Variants in NAV1 observed in about 807,000 individuals in gnomAD.
The protein encoded by NAV1 is pore membrane and/or filament interacting like protein 3.
NAV1 carries 18 observed loss-of-function variants against 175.2 expected under a neutral mutation model. That is an observed-to-expected ratio of 0.10 (90% confidence interval 0.07 to 0.15). The LOEUF (loss-of-function observed/expected upper bound fraction) is 0.15, where lower values mean the gene tolerates loss of function less well. NAV1 is among the 10% of genes least tolerant of loss of function. NAV1 has a pLI of 1.00. For missense variants in NAV1, 1,731 were observed against 2,436.6 expected (o/e 0.71, Z 6.10); for synonymous variants, 897 against 978.7 (o/e 0.92, Z 1.56).
exon 5 of NAV1, chr1:201,781,175 A>G (rs1676301311): frequency 6.2e-7 from 1 of 1,614,042 alleles, no homozygotes; most frequent in African/African-American, 1.3e-5. Flanking sequence ...AGCTGTGATG[A>G]TTCATCCAAG....
chr1:201,721,897 C>T (rs927034299), intron 3 of NAV1, among the ~76,000 whole-genome samples: 1 of 152,114 alleles, frequency 6.6e-6, no homozygotes, highest in Non-Finnish European at 1.5e-5. Context: ...TTCCCAAGCC[C>T]CTGTTCAGTC....
Position 201,718,347 on chromosome 1 carries a change from G to A in NAV1, c.861-43G>A, listed in dbSNP as rs754157166. The A allele has an allele frequency of 7.4e-6, 11 of 1,486,680 alleles. No individual in the cohort carries two copies. The highest frequency in any genetic ancestry group is 1.4e-5 in the African/African-American group (1 of 71,094). 92.1% of individuals were successfully genotyped at this position (1,486,680 alleles called of 1,614,324 possible). A position where few individuals can be genotyped will look rare whatever the true frequency, so the allele number is the denominator to read the frequency against. ...CATGTGAGGGGACAGGGCACACGGC[G>A]GCTGTGCCAAGGACTAAGTAGTGCC... On this transcript the variant is annotated intron_variant, in intron 2 of 29. Transcript: ENST00000367296. This position sits in a 1 kb window ranked among gnomAD's most constrained non-coding sequence, Gnocchi z 4.8.
chr1:201,560,074 G>A (rs900277699), intron 1 of NAV1, among the ~76,000 whole-genome samples: 15 of 152,240 alleles, frequency 9.9e-5, no homozygotes, highest in African/African-American at 3.1e-4. Context: ...GAGCAGAACC[G>A]TATCTGTCTC....
Position 201,794,588 on chromosome 1 carries a change from C to A in NAV1, c.3517+11C>A. On this transcript the variant is annotated intron_variant, in intron 15 of 29. Coordinates refer to ENST00000367296, the Ensembl canonical transcript of NAV1. ...AAACCACACCCAAAGGTAGGACATCCAGCCACAGATTGAGAGGGAACAGGG... is the reference window on the plus strand; with the variant it reads ...AAACCACACCCAAAGGTAGGACATCAAGCCACAGATTGAGAGGGAACAGGG... 6.2e-7 allele frequency: 1 copy of A among 1,605,094 alleles called. No individual in the cohort carries two copies. Among genetic ancestry groups the A allele is most frequent in the African/African-American group, 1.3e-5 (1 of 74,860 alleles).
chr1:201,681,917 C>T (rs1393633888), intron 1 of NAV1, among the ~76,000 whole-genome samples: 3 of 152,054 alleles, frequency 2.0e-5, no homozygotes, highest in Non-Finnish European at 2.9e-5. Context: ...GAGTTAAAGA[C>T]GAGCCTGGCC....
intron 1 of NAV1, among the ~76,000 whole-genome samples, chr1:201,562,151 C>T (rs1012558606): frequency 1.3e-5 from 2 of 151,130 alleles, no homozygotes; most frequent in Non-Finnish European, 2.9e-5. Flanking sequence ...ACTACAGGCA[C>T]ACACCACCTT....
intron 1 of NAV1, among the ~76,000 whole-genome samples, chr1:201,585,594 T>TA (rs946986091): frequency 6.6e-6 from 1 of 152,014 alleles, no homozygotes; most frequent in Non-Finnish European, 1.5e-5. Flanking sequence ...GTGGAAAATA[T>TA]AAAAAACTTC....
At chr1:201,716,843 A>G (rs1672162256) in intron 2 of NAV1, among the ~76,000 whole-genome samples, 1 of 152,056 alleles carries the variant, frequency 6.6e-6, no homozygotes, top group South Asian at 2.1e-4. Context: ...GCACCACTAC[A>G]CTCCAGCCTA....
chr1:201,661,510 G>A (rs1571869603), intron 1 of NAV1, among the ~76,000 whole-genome samples: 1 of 152,144 alleles, frequency 6.6e-6, no homozygotes, highest in South Asian at 2.1e-4. Context: ...GAAGAGTGGG[G>A]GCCTGAAATA....
chr1:201,734,798 C>T (rs1040909792), intron 3 of NAV1, among the ~76,000 whole-genome samples: 8 of 152,048 alleles, frequency 5.3e-5, no homozygotes, highest in Non-Finnish European at 7.4e-5. Context: ...CTCTCCCCTA[C>T]CCCTTCCTAT....
chr1:201,601,247 T>G (rs1049364526), intron 2 of NAV1, among the ~76,000 whole-genome samples: 1 of 152,218 alleles, frequency 6.6e-6, no homozygotes, highest in Admixed American at 6.5e-5. Context: ...TTTGGGAGGC[T>G]GAGGCAGGAG....
At chr1:201,793,244 A>C (rs1677224402) in intron 13 of NAV1, 1 of 153,612 alleles carries the variant, frequency 6.5e-6, no homozygotes, top group East Asian at 1.9e-4. Context: ...ATGCCTCTGC[A>C]GTTTCCTTCC....
chr1:201,600,553 A>G (rs1391685917), intron 2 of NAV1, among the ~76,000 whole-genome samples: 4 of 152,232 alleles, frequency 2.6e-5, no homozygotes, highest in Non-Finnish European at 5.9e-5. Flanking sequence ...GGTTATGTAA[A>G]TTCTAAAATT....
chr1:201,810,908 A>C lies in NAV1; in HGVS notation c.4797+150A>C. 1 of 633,820 alleles carries C rather than the reference A, an allele frequency of 1.6e-6. No homozygotes were observed. The highest frequency in any genetic ancestry group is 2.9e-5 in the Admixed American group (1 of 34,518). 39.3% of individuals were successfully genotyped at this position (633,820 alleles called of 1,614,324 possible). A position where few individuals can be genotyped will look rare whatever the true frequency, so the allele number is the denominator to read the frequency against. ...TCTGTGTTCATTTCCTTCCCTCTCT[A>C]TCTATCCCCTTTTCCAGTCTTCTCC... On this transcript the variant is annotated intron_variant, in intron 24 of 29. Transcript: ENST00000367296. The surrounding 1 kb of genome is among the most constrained non-coding windows in gnomAD (Gnocchi z 6.0).
At chr1:201,603,822 G>C (rs1034920342) in intron 2 of NAV1, among the ~76,000 whole-genome samples, 1 of 152,192 alleles carries the variant, frequency 6.6e-6, no homozygotes, top group Non-Finnish European at 1.5e-5. Context: ...CATTACTCTG[G>C]ATGGAAGCCA....
intron 1 of NAV1, among the ~76,000 whole-genome samples, chr1:201,669,663 G>C (rs1287955753): frequency 6.6e-6 from 1 of 152,224 alleles, no homozygotes; most frequent in Non-Finnish European, 1.5e-5. Context: ...AGAGAGGCAA[G>C]AGTGGTGGGT....
At chr1:201,541,073 G>A (rs558957067) in intron 1 of NAV1, among the ~76,000 whole-genome samples, 2 of 152,114 alleles carry the variant, frequency 1.3e-5, no homozygotes, top group South Asian at 4.1e-4. Context: ...TTTCCCTTGG[G>A]GCAGGTCTCA....
At chr1:201,623,459 A>G (rs1453619179) in exon 1 of NAV1, 1 of 985,872 alleles carries the variant, frequency 1.0e-6, no homozygotes, top group African/African-American at 1.7e-5. Flanking sequence ...TTGGAGCCTG[A>G]TGAGGGGGCA....
At chr1:201,819,767 G>T in intron 29 of NAV1, 70 bp from the exon 34 acceptor site, 2 of 1,380,350 alleles carry the variant, frequency 1.4e-6, no homozygotes, top group Middle Eastern at 1.8e-4. Context: ...TTTTGTTGTT[G>T]TTGTTTCCCT....
Sources: allele counts gnomAD v4.1 joint callset (sites outside exome capture counted in the v4.1 genomes callset), GRCh38; gene constraint gnomAD v4.1.1; non-coding constraint Gnocchi (gnomAD v3.1); transcripts MANE v1.5; gene names NCBI Gene and HGNC (gene_info 2026-07-23, HGNC 2026-07-21).